USP54: variants seen among roughly 807,000 people sequenced by gnomAD.
USP54 encodes the protein ubiquitin carboxyl-terminal hydrolase 54.
In USP54, 87 loss-of-function variants were observed where a neutral mutation model predicts 170.5. The ratio of observed to expected loss-of-function variants is 0.51; its 90% confidence interval spans 0.43 to 0.61. USP54 has a LOEUF of 0.61. Among genes scored for constraint, USP54 ranks in the 20% least tolerant of loss-of-function variants. The pLI, the probability that USP54 is intolerant of heterozygous loss-of-function variation, is 0.00. For missense variants in USP54, 1,786 were observed against 2,047.8 expected (o/e 0.87, Z 2.47); for synonymous variants, 655 against 742.8 (o/e 0.88, Z 1.92).
intron 11 of USP54, 41 bp downstream of exon 11, chr10:73,536,228 G>A: frequency 1.9e-6 from 3 of 1,608,374 alleles, no homozygotes; most frequent in Middle Eastern, 1.7e-4. Flanking sequence ...TTGATCGCAT[G>A]GGGTGAGGAG....
At chr10:73,617,567 T>C (rs2080742169) in intron 1 of USP54, among the ~76,000 whole-genome samples, 1 of 150,178 alleles carries the variant, frequency 6.7e-6, no homozygotes, top group African/African-American at 2.5e-5. Context: ...CAGTGGCTCA[T>C]ACGTGTAATC....
At chr10:73,533,507 A>ACACT (rs2064497604) in intron 12 of USP54, among the ~76,000 whole-genome samples, 2 of 152,026 alleles carry the variant, frequency 1.3e-5, no homozygotes, top group South Asian at 4.1e-4. Flanking sequence ...AATGGGCAGT[A>ACACT]CACTATTCTA....
intron 20 of USP54, among the ~76,000 whole-genome samples, chr10:73,512,761 C>CA (rs1178622280): frequency 6.6e-6 from 1 of 152,040 alleles, no homozygotes; most frequent in African/African-American, 2.4e-5. Context: ...CACTACTAGA[C>CA]AAAAAAATTA....
At chr10:73,603,860 A>G (rs1473939733) in intron 1 of USP54, among the ~76,000 whole-genome samples, 1 of 152,176 alleles carries the variant, frequency 6.6e-6, no homozygotes, top group African/African-American at 2.4e-5. Flanking sequence ...ATGGCCAATG[A>G]ACACAGGAAA....
At position 73,530,730 on chromosome 10, in the gene USP54, G is replaced by T. The variant is rs374804749; in HGVS notation, c.1421C>A (p.Pro474His). ...SGRVRRKGDEPQASGYHSEGE... is the reference protein window; with the variant it reads ...SGRVRRKGDEHQASGYHSEGE... ...TTCACTGTGGTATCCCGAGGCCTGG[G>T]GCTCATCGCCTTTCCTCCTAACCCG... The change falls in exon 13 of 24, where the codon CCC (proline) becomes CAC (histidine). Residue 474 changes from proline to histidine, a missense_variant. Transcript: ENST00000687698. The T allele has an allele frequency of 2.5e-6, 4 of 1,614,020 alleles. No homozygotes were observed. Among genetic ancestry groups the T allele is most frequent in the African/African-American group, 1.3e-5 (1 of 74,906 alleles).
chr10:73,529,503 T>C (rs2063584827), intron 15 of USP54, 177 bp downstream of exon 15: 1 of 723,988 alleles, frequency 1.4e-6, no homozygotes, highest in African/African-American at 1.8e-5. Flanking sequence ...CTCTCTCCTT[T>C]CTCAAGTGCC....
intron 22 of USP54, among the ~76,000 whole-genome samples, chr10:73,503,311 C>G (rs1373160366): frequency 6.6e-6 from 1 of 152,190 alleles, no homozygotes; most frequent in Admixed American, 6.5e-5. Flanking sequence ...GGATCAAATC[C>G]TTAACACATT....
At position 73,542,786 on chromosome 10, in the gene USP54, A is replaced by G. The variant is rs567532290; in HGVS notation, c.572+17T>C. The G allele has an allele frequency of 3.6e-5, 58 of 1,611,972 alleles. 3 individuals carry two copies. In the South Asian group the frequency reaches 5.7e-4, roughly 16 times the overall value. On this transcript the variant is annotated intron_variant, in intron 7 of 23. Transcript: ENST00000687698. ...AGGAATGCCTAAACGCACAACAGAAAATCTTGTAAGACTCACCAAAGGGAA... is the reference window on the plus strand; with the variant it reads ...AGGAATGCCTAAACGCACAACAGAAGATCTTGTAAGACTCACCAAAGGGAA...
chr10:73,586,626 T>C (rs918523900), intron 1 of USP54, among the ~76,000 whole-genome samples: 2 of 152,196 alleles, frequency 1.3e-5, no homozygotes, highest in Non-Finnish European at 2.9e-5. Flanking sequence ...ATTCTGACTC[T>C]CCTTAAAGAA....
intron 10 of USP54, chr10:73,538,396 C>T (rs542290608): frequency 6.6e-6 from 1 of 152,138 alleles, no homozygotes; most frequent in African/African-American, 2.4e-5. Context: ...TGATAACATC[C>T]CCACCCAGAT....
intron 15 of USP54, among the ~76,000 whole-genome samples, chr10:73,528,591 T>G (rs1157605174): frequency 6.6e-6 from 1 of 151,180 alleles, no homozygotes; most frequent in African/African-American, 2.4e-5. Flanking sequence ...TTTTTTGAGA[T>G]GGAGCCTTGC....
chr10:73,527,517 A>C (rs1436800098), intron 15 of USP54, among the ~76,000 whole-genome samples: 1 of 151,272 alleles, frequency 6.6e-6, no homozygotes, highest in Non-Finnish European at 1.5e-5. Context: ...AAAAAAAAAA[A>C]AGAAAACAGA....
chr10:73,580,281 T>C (rs992180349), intron 1 of USP54, among the ~76,000 whole-genome samples: 2 of 141,412 alleles, frequency 1.4e-5, no homozygotes, highest in Non-Finnish European at 3.0e-5. Flanking sequence ...ATCAAGCCAC[T>C]GCACTCCAAC....
In USP54 at chr10:73,530,764, T is replaced by G. The variant is rs765461098; in HGVS notation, c.1387A>C (p.Ser463Arg). 2 of 1,614,102 alleles carry G rather than the reference T, an allele frequency of 1.2e-6. No individual in the cohort carries two copies. The highest frequency in any genetic ancestry group is 2.2e-5 in the East Asian group (1 of 44,878). ...CCTTTCCTCCTAACCCGACCAGAGCTCCTCTTGCGCTCTATCAGTGACCCT... is the reference window on the plus strand; with the variant it reads ...CCTTTCCTCCTAACCCGACCAGAGCGCCTCTTGCGCTCTATCAGTGACCCT... ...KKGSLIERKR[S>R]SGRVRRKGDE... The change falls in exon 13 of 24, where the codon AGC becomes CGC. Residue 463 changes from serine (S) to arginine (R), a missense_variant. By Grantham distance (110) the Ser-to-Arg change is moderately radical (BLOSUM62 -1). This residue lies in a region of USP54 where 1,418 missense variants were observed against 1,569.0 expected (regional missense o/e 0.90). Transcript: ENST00000687698.
At chr10:73,515,487 C>G (rs866599621) in intron 20 of USP54, among the ~76,000 whole-genome samples, 3 of 152,144 alleles carry the variant, frequency 2.0e-5, no homozygotes, top group African/African-American at 7.2e-5. Flanking sequence ...CAGGTGCAGG[C>G]TCTACTCTTC....
intron 12 of USP54, among the ~76,000 whole-genome samples, chr10:73,531,907 G>C (rs934688522): frequency 2.0e-5 from 3 of 151,990 alleles, no homozygotes; most frequent in Non-Finnish European, 4.4e-5. Flanking sequence ...AGAAGCCAGA[G>C]ATGAATTAAG....
Position 73,500,210 on chromosome 10 carries a change from T to A in USP54, c.4495+445A>T, listed in dbSNP as rs1050017876. On this transcript the variant is annotated intron_variant, in intron 23 of 23. Coordinates refer to ENST00000687698, the MANE Select transcript of USP54 (RefSeq NM_001391956.1). ...CTGTACACATGGTGTGGGTACTCCATGTAAAGGGTCTTTCCAATTCTCCCA... is the reference window on the plus strand; with the variant it reads ...CTGTACACATGGTGTGGGTACTCCAAGTAAAGGGTCTTTCCAATTCTCCCA... Among the ~76,000 whole-genome samples the A allele has an allele frequency of 3.3e-5, 5 of 152,250 alleles. 1 individual carries two copies. The highest frequency in any genetic ancestry group is 1.2e-4 in the African/African-American group (5 of 41,464).
rs540723217 is a variant in USP54, at chr10:73,558,342, C to A, written c.241-12670G>T. On this transcript the variant is annotated intron_variant, in intron 4 of 23. Coordinates refer to ENST00000687698, the MANE Select transcript of USP54 (RefSeq NM_001391956.1). ...TTAGTATCAAGTAACACAGAAAAAA[C>A]CCAGTACATTTTACAGAACCAAAGG... 1.1e-4 allele frequency among the ~76,000 whole-genome samples: 17 copies of A among 152,232 alleles called. No individual in the cohort carries two copies. The South Asian group carries it at 3.5e-3, about 32-fold the overall frequency.
At chr10:73,523,869 TTTATTTA>T (rs1202646387) in intron 16 of USP54, 119 bp from the exon 17 acceptor site, 5 of 348,862 alleles carry the variant, frequency 1.4e-5, no homozygotes, top group African/African-American at 5.0e-5. Flanking sequence ...TTGGAGTTTA[TTTATTTA>T]TTATTTATTA....
Sources: allele counts gnomAD v4.1 joint callset (sites outside exome capture counted in the v4.1 genomes callset), GRCh38; gene constraint gnomAD v4.1.1; regional missense constraint gnomAD v4.1.1; transcripts MANE v1.5; gene names NCBI Gene and HGNC (gene_info 2026-07-23, HGNC 2026-07-21).